CRAT: variants seen among roughly 807,000 people sequenced by gnomAD.
CRAT encodes the protein carnitine O-acetyltransferase.
A neutral mutation model predicts 73.7 loss-of-function variants in CRAT; 66 were observed. That is an observed-to-expected ratio of 0.90 (90% CI 0.73 to 1.10). The LOEUF is 1.10. Ranked by LOEUF, CRAT falls within the 50% of genes least tolerant of loss-of-function variation. CRAT has a pLI of 0.00. For synonymous variants in CRAT, 321 were observed against 343.2 expected (o/e 0.94, Z 0.71); for missense variants, 745 against 846.9 (o/e 0.88, Z 1.49).
rs773597496 is a variant in CRAT, at chr9:129,109,372, AG to A, written c.27+1110del. The A allele has an allele frequency of 6.9e-6, 7 of 1,009,660 alleles. No homozygotes were observed. The South Asian group carries it at 9.5e-5, about 14-fold the overall frequency. 62.5% of individuals were successfully genotyped at this position (1,009,660 alleles called of 1,614,324 possible). ...CCCTGCCTATTTCCTGTTTCTCTCCAGGACTCCTGGGACCCATCTGAGCCAT... is the reference window on the plus strand; with the variant it reads ...CCCTGCCTATTTCCTGTTTCTCTCCAGACTCCTGGGACCCATCTGAGCCAT... On this transcript the variant is annotated intron_variant, in intron 1 of 13. Transcript: ENST00000318080.
Position 129,106,118 on chromosome 9 carries a change from C to G in CRAT, c.291+1696G>C, listed in dbSNP as rs1158753793. Among the ~76,000 whole-genome samples the G allele has an allele frequency of 2.0e-5, 3 of 152,148 alleles. No homozygotes were observed. The highest frequency in any genetic ancestry group is 4.4e-5 in the Non-Finnish European group (3 of 68,022). On this transcript the variant is annotated intron_variant, in intron 2 of 13. Transcript: ENST00000318080. The surrounding 1 kb of genome is among the most constrained non-coding windows in gnomAD (Gnocchi z 4.0). ...TCCCCTGCAGCACTGGGCCACTAGC[C>G]TTTGGCAAGGGGTGAGGGGGAGGCA...
In CRAT at chr9:129,102,566, C is replaced by T. The variant is rs112907520; in HGVS notation, c.465-1G>A. 1 of 1,613,906 alleles carries T rather than the reference C, an allele frequency of 6.2e-7. No homozygotes were observed. The highest frequency in any genetic ancestry group is 8.5e-7 in the Non-Finnish European group (1 of 1,179,928). ...CAGGTACTCCACGGGCAGGGTCTCG[C>T]TATGGGGTAGAGGGGCAGTGAGGCC... On this transcript the variant is annotated splice_acceptor_variant, in intron 4 of 13. Transcript: ENST00000318080. LOFTEE classifies it high-confidence loss of function.
chr9:129,097,000 G>A (rs549555718), intron 12 of CRAT, among the ~76,000 whole-genome samples: 15 of 151,888 alleles, frequency 9.9e-5, no homozygotes, highest in East Asian at 1.9e-4. Flanking sequence ...CCTGGGAGGC[G>A]GAGGTTGCAG....
chr9:129,108,814 CCT>C, intron 1 of CRAT: 2 of 1,304,282 alleles, frequency 1.5e-6, no homozygotes, highest in Non-Finnish European at 2.0e-6. Flanking sequence ...GGTTCTGGGC[CCT>C]GTCTGTCTGC....
intron 11 of CRAT, 187 bp downstream of exon 11, chr9:129,097,826 T>C: frequency 1.3e-6 from 1 of 768,014 alleles, no homozygotes; most frequent in Non-Finnish European, 2.0e-6. Context: ...AACAAATGAA[T>C]GACTCCCTTT....
Position 129,095,505 on chromosome 9 carries a change from G to C in CRAT, c.1773C>G (p.Ala591=), listed in dbSNP as rs774556531. 1 of 1,613,546 alleles carries C rather than the reference G, an allele frequency of 6.2e-7. No individual in the cohort carries two copies. Among genetic ancestry groups the C allele is most frequent in the South Asian group, 1.1e-5 (1 of 91,090 alleles). ...CGTTGGTCTCCGCGCAGCTGTTGTA[G>C]GCCGACAGGGAGAAGTTGATGTGGG... ...MEAHINFSLS[A]YNSCAETNAA... Residue 591 remains alanine (A), a synonymous_variant, in exon 14 of 14, where the codon GCC becomes GCG. Coordinates refer to ENST00000318080, the MANE Select transcript of CRAT (RefSeq NM_000755.5).
rs1027972922 is a variant in CRAT at position 129,106,129 on chromosome 9, G to T, written c.291+1685C>A. Among the ~76,000 whole-genome samples the T allele has an allele frequency of 2.0e-5, 3 of 152,026 alleles. No individual in the cohort carries two copies. Among genetic ancestry groups the T allele is most frequent in the African/African-American group, 7.2e-5 (3 of 41,388 alleles). ...ACTGGGCCACTAGCCTTTGGCAAGGGGTGAGGGGGAGGCAACTTGGCAAGG... is the reference window on the plus strand; with the variant it reads ...ACTGGGCCACTAGCCTTTGGCAAGGTGTGAGGGGGAGGCAACTTGGCAAGG... On this transcript the variant is annotated intron_variant, in intron 2 of 13. Transcript: ENST00000318080. The surrounding 1 kb of genome is among the most constrained non-coding windows in gnomAD (Gnocchi z 4.0).
rs993479608 is a variant in CRAT at position 129,108,167 on chromosome 9, A to C, written c.28-90T>G. 7.6e-6 allele frequency: 11 copies of C among 1,443,358 alleles called. No homozygotes were observed. In the African/African-American group the frequency reaches 1.1e-4, roughly 15 times the overall value. 89.4% of individuals were successfully genotyped at this position (1,443,358 alleles called of 1,614,324 possible). A position where few individuals can be genotyped will look rare whatever the true frequency, so the allele number is the denominator to read the frequency against. ...TGTAGTCCTGGGCACTTAAGTGCCCATCCCTGGGGGCAGAGACGGCCTCTT... is the reference window on the plus strand; with the variant it reads ...TGTAGTCCTGGGCACTTAAGTGCCCCTCCCTGGGGGCAGAGACGGCCTCTT... On this transcript the variant is annotated intron_variant, in intron 1 of 13. Coordinates refer to ENST00000318080, the MANE Select transcript of CRAT (RefSeq NM_000755.5).
chr9:129,105,443 CTT>C (rs943941895), intron 2 of CRAT, among the ~76,000 whole-genome samples: 1 of 152,126 alleles, frequency 6.6e-6, no homozygotes, highest in African/African-American at 2.4e-5. Flanking sequence ...GCCTCAGCCT[CTT>C]GAGTAGCTGG....
intron 11 of CRAT, among the ~76,000 whole-genome samples, 194 bp from the exon 12 acceptor site, chr9:129,097,506 T>C (rs1437625769): frequency 6.6e-6 from 1 of 151,966 alleles, no homozygotes; most frequent in Non-Finnish European, 1.5e-5. Flanking sequence ...GTCAGGAGTT[T>C]GAGACCAGCC....
rs370244954 is a variant in CRAT, at chr9:129,103,681, C to A, written c.410+507G>T. Among the ~76,000 whole-genome samples the A allele has an allele frequency of 7.2e-5, 11 of 152,266 alleles. No homozygotes were observed. The highest frequency in any genetic ancestry group is 2.0e-4 in the Admixed American group (3 of 15,300). ...TGAACCCCGGCCCTTCCCAGGGTACCCTGGTCCCTTTAAGAGAAGCAGGTG... is the reference window on the plus strand; with the variant it reads ...TGAACCCCGGCCCTTCCCAGGGTACACTGGTCCCTTTAAGAGAAGCAGGTG... On this transcript the variant is annotated intron_variant, in intron 3 of 13. Coordinates refer to ENST00000318080, the MANE Select transcript of CRAT (RefSeq NM_000755.5). The surrounding 1 kb of genome is among the most constrained non-coding windows in gnomAD (Gnocchi z 4.6).
At chr9:129,099,794 G>A (rs3118638) in intron 8 of CRAT, 72 bp downstream of exon 8, 1,152,100 of 1,164,546 alleles carry the variant, frequency 0.99, 570,676 homozygotes, top group Non-Finnish European at 1. Flanking sequence ...TTCTCTATAA[G>A]CTGGTCTATC....
intron 7 of CRAT, 114 bp from the exon 8 acceptor site, chr9:129,100,080 G>T (rs1335541892): frequency 8.1e-6 from 6 of 737,130 alleles, no homozygotes; most frequent in South Asian, 1.7e-5. Context: ...AAGGGGCTAT[G>T]ATGACTTATT....
chr9:129,101,440 CTG>C (rs1435342036), intron 6 of CRAT, among the ~76,000 whole-genome samples: 2 of 152,242 alleles, frequency 1.3e-5, no homozygotes, highest in East Asian at 1.9e-4. Flanking sequence ...TCTGTAAACA[CTG>C]TGTTCAAGGA....
chr9:129,098,685 T>TGCCTCTAGA (rs761183739), intron 8 of CRAT, 35 bp from the exon 9 acceptor site: 70 of 1,585,744 alleles, frequency 4.4e-5, no homozygotes, highest in Middle Eastern at 1.7e-4. Flanking sequence ...CTCATGCTGG[T>TGCCTCTAGA]GCCTCTAGAG....
At chr9:129,102,143 T>C in intron 5 of CRAT, 86 bp from the exon 6 acceptor site, 4 of 1,440,132 alleles carry the variant, frequency 2.8e-6, no homozygotes, top group Non-Finnish European at 3.8e-6. Flanking sequence ...TGCCTCCTCC[T>C]GGCCTTGGCC....
At position 129,103,207 on chromosome 9, in the gene CRAT, G is replaced by A. The variant is rs1323914074; in HGVS notation, c.411-141C>T. The A allele has an allele frequency of 1.3e-6, 1 of 742,326 alleles. No individual in the cohort carries two copies. Among genetic ancestry groups the A allele is most frequent in the Non-Finnish European group, 2.4e-6 (1 of 412,232 alleles). 46.0% of individuals were successfully genotyped at this position (742,326 alleles called of 1,614,324 possible). The stretch of plus-strand genomic sequence containing the variant: ...CAGAAAGCCTGGGAGCGCAAGGGAG[G>A]GGCCTGCGAGTCCCAGCTTGCCAGC... On this transcript the variant is annotated intron_variant, in intron 3 of 13. Transcript: ENST00000318080. This position sits in a 1 kb window ranked among gnomAD's most constrained non-coding sequence, Gnocchi z 4.6.
intron 1 of CRAT, chr9:129,109,271 A>ATTAGGG: frequency 3.8e-6 from 5 of 1,304,118 alleles, no homozygotes; most frequent in Non-Finnish European, 5.1e-6. Context: ...CAGCCCTGGG[A>ATTAGGG]TCGGTCCTGA....
At position 129,107,157 on chromosome 9, in the gene CRAT, C is replaced by T. The variant is rs1848068513; in HGVS notation, c.291+657G>A. ...CAAGCAATTCTCCTGCCTCAGCCTCCCCAGTATCTGGGATTACAGGTGCGT... is the reference window on the plus strand; with the variant it reads ...CAAGCAATTCTCCTGCCTCAGCCTCTCCAGTATCTGGGATTACAGGTGCGT... On this transcript the variant is annotated intron_variant, in intron 2 of 13. Coordinates refer to ENST00000318080, the MANE Select transcript of CRAT (RefSeq NM_000755.5). This position sits in a 1 kb window ranked among gnomAD's most constrained non-coding sequence, Gnocchi z 5.0. 6.6e-6 allele frequency among the ~76,000 whole-genome samples: 1 copy of T among 152,206 alleles called. No homozygotes were observed. The highest frequency in any genetic ancestry group is 6.5e-5 in the Admixed American group (1 of 15,280).
Sources: allele counts gnomAD v4.1 joint callset (sites outside exome capture counted in the v4.1 genomes callset), GRCh38; gene constraint gnomAD v4.1.1; non-coding constraint Gnocchi (gnomAD v3.1); transcripts MANE v1.5; gene names NCBI Gene and HGNC (gene_info 2026-07-23, HGNC 2026-07-21).